Variants in DCC observed in about 807,000 individuals in gnomAD.
The protein encoded by DCC is netrin receptor DCC.
Under a neutral mutation model 172.5 loss-of-function variants are expected in DCC, and 58 were observed. That is an observed-to-expected ratio of 0.34 (90% confidence interval 0.27 to 0.42). DCC has a LOEUF of 0.42. DCC is among the 10% of genes least tolerant of loss of function. The pLI is 1.00. For missense variants in DCC, 1,740 were observed against 1,791.0 expected, an observed-to-expected ratio of 0.97 and a Z score of 0.51; for synonymous variants, 709 against 644.5, an observed-to-expected ratio of 1.10 and a Z score of -1.52.
At position 52,953,802 on chromosome 18, in the gene DCC, C is replaced by G. The variant is rs754316273; in HGVS notation, c.985+28432C>G. Among the ~76,000 whole-genome samples, 3 of 152,156 alleles carry G rather than the reference C, an allele frequency of 2.0e-5. No individual in the cohort carries two copies. In the South Asian group the frequency reaches 6.2e-4, roughly 32 times the overall value. On this transcript the variant is annotated intron_variant, in intron 5 of 28. Transcript: ENST00000442544. ...GATGAAGGTGCATCAGCTGACATTA[C>G]AGTGTCTGCACGAGTCCAAAATGAT...
At chr18:52,604,632 C>T (rs2034094371) in intron 1 of DCC, among the ~76,000 whole-genome samples, 1 of 152,108 alleles carries the variant, frequency 6.6e-6, no homozygotes, top group Admixed American at 6.6e-5. Context: ...TTTCCACTGA[C>T]ATCTCAGAGG....
At chr18:52,899,423 G>A (rs1468419046) in intron 2 of DCC, among the ~76,000 whole-genome samples, 1 of 134,350 alleles carries the variant, frequency 7.4e-6, no homozygotes, top group South Asian at 2.4e-4. Context: ...GCACCATGTC[G>A]GCTCACAGCA....
intron 12 of DCC, among the ~76,000 whole-genome samples, chr18:53,247,351 A>G (rs1044234970): frequency 6.6e-6 from 1 of 152,004 alleles, no homozygotes; most frequent in South Asian, 2.1e-4. Context: ...TATTGTTTAG[A>G]CATCCCATAA....
chr18:52,347,502 C>T (rs1385928674), intron 1 of DCC, among the ~76,000 whole-genome samples: 57 of 152,078 alleles, frequency 3.7e-4, no homozygotes, highest in Admixed American at 3.6e-3. Context: ...TGGACTGTTA[C>T]TATTGTTGAG....
intron 1 of DCC, among the ~76,000 whole-genome samples, chr18:52,365,550 G>A (rs898049906): frequency 1.3e-5 from 2 of 152,050 alleles, no homozygotes; most frequent in Non-Finnish European, 2.9e-5. Flanking sequence ...TGAGGTACGA[G>A]GGGAGAGTAT....
intron 1 of DCC, among the ~76,000 whole-genome samples, chr18:52,700,625 G>A (rs947852515): frequency 6.6e-6 from 1 of 152,176 alleles, no homozygotes; most frequent in African/African-American, 2.4e-5. Context: ...TTTTGTCCCT[G>A]AGCAAGAATA....
intron 1 of DCC, among the ~76,000 whole-genome samples, chr18:52,657,486 T>G (rs1164029388): frequency 6.6e-6 from 1 of 152,156 alleles, no homozygotes; most frequent in Non-Finnish European, 1.5e-5. Flanking sequence ...AGTCGAGATT[T>G]TATTTTAACC....
intron 1 of DCC, among the ~76,000 whole-genome samples, chr18:52,392,584 A>G (rs552510187): frequency 1.3e-4 from 20 of 152,112 alleles, no homozygotes; most frequent in Non-Finnish European, 2.2e-4. Context: ...TATTTAAGGC[A>G]CTATCATTCC....
intron 5 of DCC, among the ~76,000 whole-genome samples, chr18:52,969,524 GACTT>G (rs1403271159): frequency 6.6e-6 from 1 of 150,406 alleles, no homozygotes; most frequent in African/African-American, 2.5e-5. Context: ...CTACTTAGTT[GACTT>G]ACTTATCTCA....
At chr18:52,419,363 G>C (rs1987166914) in intron 1 of DCC, 1 of 152,092 alleles carries the variant, frequency 6.6e-6, no homozygotes, top group South Asian at 2.1e-4. Flanking sequence ...TACTGGCAAT[G>C]CACATACCTC....
chr18:53,272,966 G>C (rs2056765346), intron 12 of DCC, among the ~76,000 whole-genome samples: 1 of 152,050 alleles, frequency 6.6e-6, no homozygotes, highest in African/African-American at 2.4e-5. Flanking sequence ...AATTAACCTA[G>C]TGAGAAAAGA....
intron 13 of DCC, among the ~76,000 whole-genome samples, chr18:53,312,620 G>T (rs1291074655): frequency 6.6e-6 from 1 of 150,956 alleles, no homozygotes; most frequent in Non-Finnish European, 1.5e-5. Flanking sequence ...CAGGAGGTCA[G>T]GAGATCGAGA....
intron 1 of DCC, among the ~76,000 whole-genome samples, chr18:52,693,752 C>T (rs897927191): frequency 6.6e-6 from 1 of 152,036 alleles, no homozygotes; most frequent in Admixed American, 6.6e-5. Flanking sequence ...CAAAGGTACC[C>T]TGGAGACAAT....
chr18:52,835,395 C>CA, intron 2 of DCC, among the ~76,000 whole-genome samples: 1 of 152,256 alleles, frequency 6.6e-6, no homozygotes, highest in Middle Eastern at 3.4e-3. Context: ...AATTGTAAAG[C>CA]ATGGATTTTA....
chr18:52,432,103 T>C (rs1478072414), intron 1 of DCC, among the ~76,000 whole-genome samples: 2 of 152,220 alleles, frequency 1.3e-5, no homozygotes, highest in African/African-American at 4.8e-5. Flanking sequence ...TTTTTTGGTC[T>C]TGTTCAAGCT....
At chr18:53,326,287 A>G (rs1485040943) in intron 14 of DCC, among the ~76,000 whole-genome samples, 1 of 152,198 alleles carries the variant, frequency 6.6e-6, no homozygotes, top group Non-Finnish European at 1.5e-5. Flanking sequence ...GAGATTGTTC[A>G]CATTTAGACA....
At chr18:52,695,805 T>A (rs1173616653) in intron 1 of DCC, among the ~76,000 whole-genome samples, 1 of 152,216 alleles carries the variant, frequency 6.6e-6, no homozygotes, top group Non-Finnish European at 1.5e-5. Flanking sequence ...TAAACTATAT[T>A]TTCAATTATA....
intron 9 of DCC, among the ~76,000 whole-genome samples, chr18:53,187,134 T>A (rs1251283671): frequency 1.3e-5 from 2 of 151,888 alleles, no homozygotes; most frequent in Non-Finnish European, 2.9e-5. Flanking sequence ...TTTTTCTTTT[T>A]TTTTTTGAGA....
intron 5 of DCC, among the ~76,000 whole-genome samples, chr18:52,945,733 GAC>G (rs1419369679): frequency 6.6e-6 from 1 of 151,596 alleles, no homozygotes; most frequent in Non-Finnish European, 1.5e-5. Flanking sequence ...TGCACAAGCT[GAC>G]ACAGCCTCCC....
Sources: allele counts gnomAD v4.1 joint callset (sites outside exome capture counted in the v4.1 genomes callset), GRCh38; gene constraint gnomAD v4.1.1; transcripts MANE v1.5; gene names NCBI Gene and HGNC (gene_info 2026-07-23, HGNC 2026-07-21).